Variants in GPR183 observed in about 807,000 individuals in gnomAD.
The protein encoded by GPR183 is EBV-induced G-protein coupled receptor 2.
In GPR183, 9 loss-of-function variants were observed where a neutral mutation model predicts 19.7. That is an observed-to-expected ratio of 0.46 (90% CI 0.28 to 0.80). The LOEUF (loss-of-function observed/expected upper bound fraction) is 0.80. Among genes scored for constraint, GPR183 ranks in the 30% least tolerant of loss-of-function variants. The pLI is 0.13. For missense variants in GPR183, 368 were observed against 446.7 expected (o/e 0.82, Z 1.59); for synonymous variants, 160 against 155.1 (o/e 1.03, Z -0.24).
chr13:99,305,775 A>T (rs2044323922), intron 1 of GPR183, among the ~76,000 whole-genome samples: 1 of 152,046 alleles, frequency 6.6e-6, no homozygotes, highest in African/African-American at 2.4e-5. Flanking sequence ...TTGTGGTTTT[A>T]TGTCCAAAAA....
Position 99,295,603 on chromosome 13 carries a change from G to C in GPR183, c.543C>G (p.Cys181Trp). The C allele has an allele frequency of 6.2e-7, 1 of 1,614,100 alleles. No homozygotes were observed. Among genetic ancestry groups the C allele is most frequent in the Non-Finnish European group, 8.5e-7 (1 of 1,180,022 alleles). The change falls in exon 2 of 2, where the codon TGC becomes TGG. Residue 181 changes from cysteine to tryptophan, a missense_variant. Transcript: ENST00000376414. This position sits in a 1 kb window ranked among gnomAD's most constrained non-coding sequence, Gnocchi z 4.1. ...MSKQEAERIT[C>W]MEYPNFEETK... is the part of the protein sequence containing the mutation. ...TTTCTTCAAAGTTTGGATACTCCAT[G>C]CATGTAATCCTTTCAGCCTCCTGCT...
At chr13:99,298,776 A>T (rs1210188442) in intron 1 of GPR183, among the ~76,000 whole-genome samples, 1 of 152,218 alleles carries the variant, frequency 6.6e-6, no homozygotes, top group Non-Finnish European at 1.5e-5. Flanking sequence ...TTAGTTGGGA[A>T]AGGCTTCATG....
rs1378370897 is a variant in GPR183, at chr13:99,295,067, C to G, written c.1079G>C (p.Gly360Ala). Residue 360 changes from glycine to alanine, a missense_variant, in exon 2 of 2, where the codon GGA becomes GCA. Transcript: ENST00000376414. The surrounding 1 kb of genome is among the most constrained non-coding windows in gnomAD (Gnocchi z 4.1). ...QMMIHSKSSN[G>A]K Reference sequence around the variant, plus strand: ...ACCAAAATACAATCCATTTCACTTTCCATTTGAAGACTTGGAATGTATCAT... The same window carrying G: ...ACCAAAATACAATCCATTTCACTTTGCATTTGAAGACTTGGAATGTATCAT... The G allele has an allele frequency of 1.2e-6, 2 of 1,612,588 alleles. No individual in the cohort carries two copies. Among genetic ancestry groups the G allele is most frequent in the African/African-American group, 2.7e-5 (2 of 74,826 alleles).
At chr13:99,298,335 T>A (rs2044207278) in intron 1 of GPR183, among the ~76,000 whole-genome samples, 1 of 152,040 alleles carries the variant, frequency 6.6e-6, no homozygotes, top group Admixed American at 6.6e-5. Context: ...AGCTAAATTA[T>A]AAACCAATGA....
chr13:99,294,903 C>G lies in GPR183; in HGVS notation c.*157G>C. 1.4e-6 allele frequency: 1 copy of G among 701,068 alleles called. No individual in the cohort carries two copies. Among genetic ancestry groups the G allele is most frequent in the Non-Finnish European group, 2.3e-6 (1 of 430,290 alleles). 43.4% of individuals were successfully genotyped at this position (701,068 alleles called of 1,614,324 possible). A position where few individuals can be genotyped will look rare whatever the true frequency, so the allele number is the denominator to read the frequency against. ...TATGTTGTTTGCTTTATGTTGTTCT[C>G]TTGGGCTTACTTCCGAGTTGGAGAT... On this transcript the variant is annotated 3_prime_UTR_variant, in exon 2 of 2. Coordinates refer to ENST00000376414, the MANE Select transcript of GPR183 (RefSeq NM_004951.5).
At chr13:99,302,394 G>A (rs1566493157) in intron 1 of GPR183, among the ~76,000 whole-genome samples, 1 of 152,202 alleles carries the variant, frequency 6.6e-6, no homozygotes, top group South Asian at 2.1e-4. Context: ...AAGCACAGAT[G>A]TATCAGGATG....
intron 1 of GPR183, 36 bp from the exon 2 acceptor site, chr13:99,296,199 G>A (rs1356594559): frequency 3.4e-6 from 5 of 1,492,006 alleles, no homozygotes; most frequent in Admixed American, 2.3e-5. Context: ...ATAAGTAAAA[G>A]CATATGTATT....
At chr13:99,302,596 G>C (rs1053883290) in intron 1 of GPR183, among the ~76,000 whole-genome samples, 1 of 152,194 alleles carries the variant, frequency 6.6e-6, no homozygotes, top group African/African-American at 2.4e-5. Flanking sequence ...CATTCAACTA[G>C]TGATTTTTCT....
intron 1 of GPR183, among the ~76,000 whole-genome samples, chr13:99,299,648 C>T (rs2044228467): frequency 6.6e-6 from 1 of 151,960 alleles, no homozygotes; most frequent in Admixed American, 6.5e-5. Context: ...TTTTAGTTCC[C>T]CTTTTCTTGT....
At chr13:99,302,814 C>A (rs2044276264) in intron 1 of GPR183, among the ~76,000 whole-genome samples, 1 of 152,208 alleles carries the variant, frequency 6.6e-6, no homozygotes, top group Admixed American at 6.5e-5. Flanking sequence ...TGCTAACCAA[C>A]TGTCACAGTA....
In GPR183 at chr13:99,304,506, T is replaced by G. The variant is rs377175213; in HGVS notation, c.-19+2834A>C. Among the ~76,000 whole-genome samples the G allele has an allele frequency of 1.4e-3, 211 of 152,356 alleles. 2 individuals carry two copies. Among genetic ancestry groups the G allele is most frequent in the African/African-American group, 5.0e-3 (206 of 41,592 alleles). ...ATTTCTTGTATCTCTAGGTGATGTA[T>G]GATCGATATTCAATAAATACCCATT... On this transcript the variant is annotated intron_variant, in intron 1 of 1. Coordinates refer to ENST00000376414, the MANE Select transcript of GPR183 (RefSeq NM_004951.5).
In GPR183 at chr13:99,296,145, T is replaced by TTGG; in HGVS notation, c.-3_-1dup. 6.3e-7 allele frequency: 1 copy of TTGG among 1,588,856 alleles called. No homozygotes were observed. The highest frequency in any genetic ancestry group is 8.6e-7 in the Non-Finnish European group (1 of 1,165,706). On this transcript the variant is annotated 5_prime_UTR_variant, in exon 2 of 2. Coordinates refer to ENST00000376414, the MANE Select transcript of GPR183 (RefSeq NM_004951.5). ...AAATTGTTTGCCATTTGTATATCCA[T>TTGG]TGGTGGTGGTCCAGGTGTCTAGAAA...
At chr13:99,305,041 T>C (rs1334418355) in intron 1 of GPR183, among the ~76,000 whole-genome samples, 1 of 152,186 alleles carries the variant, frequency 6.6e-6, no homozygotes, top group Admixed American at 6.5e-5. Flanking sequence ...TATTTTAAAG[T>C]AAGTAAAGGT....
In GPR183 at chr13:99,295,618, A is replaced by G. The variant is rs776571858; in HGVS notation, c.528T>C (p.Ala176=). The part of the protein sequence containing the change: ...LLINPMSKQE[A]ERITCMEYPN... ...GATACTCCATGCATGTAATCCTTTC[A>G]GCCTCCTGCTTTGACATAGGGTTGA... The change falls in exon 2 of 2, where the codon GCT becomes GCC. Residue 176 remains alanine, a synonymous_variant. Coordinates refer to ENST00000376414, the MANE Select transcript of GPR183 (RefSeq NM_004951.5). The surrounding 1 kb of genome is among the most constrained non-coding windows in gnomAD (Gnocchi z 4.1). 6.2e-7 allele frequency: 1 copy of G among 1,614,184 alleles called. No homozygotes were observed. Among genetic ancestry groups the G allele is most frequent in the Admixed American group, 1.7e-5 (1 of 60,030 alleles).
At chr13:99,304,026 G>A (rs1027354310) in intron 1 of GPR183, among the ~76,000 whole-genome samples, 3 of 152,072 alleles carry the variant, frequency 2.0e-5, no homozygotes, top group Non-Finnish European at 4.4e-5. Flanking sequence ...CCGCAGCCAC[G>A]GCAGCAGCTT....
At chr13:99,299,290 A>C (rs1343891719) in intron 1 of GPR183, among the ~76,000 whole-genome samples, 1 of 152,262 alleles carries the variant, frequency 6.6e-6, no homozygotes, top group Non-Finnish European at 1.5e-5. Context: ...ATTTTATGGC[A>C]TAGCCATACA....
chr13:99,296,387 C>T (rs1025881464), intron 1 of GPR183, among the ~76,000 whole-genome samples: 4 of 152,106 alleles, frequency 2.6e-5, no homozygotes, highest in Non-Finnish European at 4.4e-5. Context: ...TGTTTTTACT[C>T]TCACAATTTG....
chr13:99,296,279 ATATC>A (rs1259446779), intron 1 of GPR183, 116 bp from the exon 2 acceptor site: 9 of 722,268 alleles, frequency 1.2e-5, no homozygotes, highest in Non-Finnish European at 1.8e-5. Context: ...TGTCTTTTAT[ATATC>A]TAAGTTTTAA....
At chr13:99,304,022 C>T (rs999251878) in intron 1 of GPR183, among the ~76,000 whole-genome samples, 2 of 152,126 alleles carry the variant, frequency 1.3e-5, no homozygotes, top group African/African-American at 4.8e-5. Context: ...CTGCCCGCAG[C>T]CACGGCAGCA....
Sources: allele counts gnomAD v4.1 joint callset (sites outside exome capture counted in the v4.1 genomes callset), GRCh38; gene constraint gnomAD v4.1.1; non-coding constraint Gnocchi (gnomAD v3.1); transcripts MANE v1.5; gene names NCBI Gene and HGNC (gene_info 2026-07-23, HGNC 2026-07-21).